POLR3H: variants seen among roughly 807,000 people sequenced by gnomAD.
The protein encoded by POLR3H is RNA polymerase III subunit H.
A neutral mutation model predicts 25.5 loss-of-function variants in POLR3H; 17 were observed. The observed-to-expected ratio is 0.67, with a 90% CI of 0.46 to 1.00. The LOEUF (loss-of-function observed/expected upper bound fraction) is 1.00. Among genes scored for constraint, POLR3H ranks in the 50% least tolerant of loss-of-function variants. The pLI, the probability that POLR3H is intolerant of heterozygous loss-of-function variation, is 0.00. For synonymous variants in POLR3H, 129 were observed against 103.0 expected, an observed-to-expected ratio of 1.25 and a Z score of -1.53; for missense variants, 274 against 265.0, an observed-to-expected ratio of 1.03 and a Z score of -0.24.
Position 41,527,266 on chromosome 22 carries a change from C to G in POLR3H, c.*2017G>C. 6.2e-7 allele frequency: 1 copy of G among 1,614,110 alleles called. No individual in the cohort carries two copies. Among genetic ancestry groups the G allele is most frequent in the Non-Finnish European group, 8.5e-7 (1 of 1,179,986 alleles). The stretch of plus-strand genomic sequence containing the variant: ...ACGGTGCCCTCCTCTGCCTTATAAC[C>G]TTACCCCCGCTTGCCTGACAGAAAC... On this transcript the variant is annotated 3_prime_UTR_variant, in exon 6 of 6. Transcript: ENST00000355209.
At chr22:41,531,035 C>G in intron 4 of POLR3H, 147 bp from the exon 5 acceptor site, 1 of 752,652 alleles carries the variant, frequency 1.3e-6, no homozygotes, top group South Asian at 1.7e-5. Flanking sequence ...CAGCCCCATG[C>G]ACAAGGCCTG....
At position 41,543,994 on chromosome 22, in the gene POLR3H, G is replaced by C. The variant is rs765402015; in HGVS notation, c.108C>G (p.Asn36Lys). 2.3e-5 allele frequency: 37 copies of C among 1,611,608 alleles called. No homozygotes were observed. The East Asian group carries it at 8.0e-4, about 35-fold the overall frequency. Residue 36 changes from asparagine (N) to lysine (K), a missense_variant, in exon 1 of 6, where the codon AAC becomes AAG. Transcript: ENST00000355209. ...CCGCGAGCCGTGGGCCCAGTACCTT[G>C]TTGGCCAACTTCTTGTTCAGCTCCT... ...IAEELNKKLA[N>K]KVVYNVGLCI...
Position 41,526,509 on chromosome 22 carries a change from G to A in POLR3H, c.*2774C>T. Reference sequence around the variant, plus strand: ...TGGTCACTCCTGAAGGGGCCTGCAAGGCAGGTGCAGGGAGGACATTAGGGG... The same window carrying A: ...TGGTCACTCCTGAAGGGGCCTGCAAAGCAGGTGCAGGGAGGACATTAGGGG... On this transcript the variant is annotated 3_prime_UTR_variant, in exon 6 of 6. Coordinates refer to ENST00000355209, the MANE Select transcript of POLR3H (RefSeq NM_001018050.4). 1 of 1,556,042 alleles carries A rather than the reference G, an allele frequency of 6.4e-7. No individual in the cohort carries two copies. The highest frequency in any genetic ancestry group is 8.7e-7 in the Non-Finnish European group (1 of 1,144,938).
In POLR3H at chr22:41,527,100, C is replaced by A; in HGVS notation, c.*2183G>T. 1 of 802,678 alleles carries A rather than the reference C, an allele frequency of 1.2e-6. No homozygotes were observed. The highest frequency in any genetic ancestry group is 1.9e-6 in the Non-Finnish European group (1 of 518,748). 49.7% of individuals were successfully genotyped at this position (802,678 alleles called of 1,614,324 possible). A position where few individuals can be genotyped will look rare whatever the true frequency, so the allele number is the denominator to read the frequency against. ...ACGTGCCTCTGTCCCCTCGGGGCCT[C>A]GTTTGGGTCTCATTCACGCAGGCTT... On this transcript the variant is annotated 3_prime_UTR_variant, in exon 6 of 6. Transcript: ENST00000355209.
chr22:41,528,350 T>C lies in POLR3H; in HGVS notation c.*933A>G. 7.5e-7 allele frequency: 1 copy of C among 1,341,830 alleles called. No homozygotes were observed. Among genetic ancestry groups the C allele is most frequent in the South Asian group, 1.4e-5 (1 of 69,806 alleles). 83.1% of individuals were successfully genotyped at this position (1,341,830 alleles called of 1,614,324 possible). On this transcript the variant is annotated 3_prime_UTR_variant, in exon 6 of 6. Transcript: ENST00000355209. ...CTGACCTGGGCCATCAGGCACAGACTGGCCTAGGATTTGGTTTGCCTGCTG... is the reference window on the plus strand; with the variant it reads ...CTGACCTGGGCCATCAGGCACAGACCGGCCTAGGATTTGGTTTGCCTGCTG...
chr22:41,532,029 TG>T (rs2066745522), intron 4 of POLR3H, 64 bp downstream of exon 4: 1 of 1,447,100 alleles, frequency 6.9e-7, no homozygotes, highest in Non-Finnish European at 9.7e-7. Context: ...CCCTAAGGAG[TG>T]GGGACCTTCC....
rs1343782219 is a variant in POLR3H at position 41,526,191 on chromosome 22, C to A, written c.*3092G>T. On this transcript the variant is annotated 3_prime_UTR_variant, in exon 6 of 6. Transcript: ENST00000355209. ...CTGGGCCCCGGGGCCTGCTGCCTGC[C>A]TCTGGAGGGCTTGTCATCCACCCCT... 1.4e-6 allele frequency: 2 copies of A among 1,436,512 alleles called. No individual in the cohort carries two copies. The highest frequency in any genetic ancestry group is 2.0e-5 in the Admixed American group (1 of 49,754). The allele number at this position is 1,436,512 out of a possible 1,614,324, so 89.0% of individuals were successfully genotyped here.
intron 4 of POLR3H, among the ~76,000 whole-genome samples, chr22:41,531,773 C>A (rs888528588): frequency 6.6e-6 from 1 of 152,228 alleles, no homozygotes; most frequent in African/African-American, 2.4e-5. Context: ...TAAGATGATT[C>A]CTGCAGGGAC....
In POLR3H at chr22:41,532,049, G is replaced by A. The variant is rs569478131; in HGVS notation, c.359+45C>T. The A allele has an allele frequency of 2.5e-6, 4 of 1,577,530 alleles. No individual in the cohort carries two copies. The South Asian group carries it at 4.4e-5, about 17-fold the overall frequency. ...AGGAGTGGGGACCTTCCTTTGGAGA[G>A]GCCTGAGCTCCCTGTGACAAACCAC... On this transcript the variant is annotated intron_variant, in intron 4 of 5. Coordinates refer to ENST00000355209, the MANE Select transcript of POLR3H (RefSeq NM_001018050.4).
Position 41,528,898 on chromosome 22 carries a change from G to A in POLR3H, c.*385C>T. 5.7e-6 allele frequency: 3 copies of A among 522,886 alleles called. No homozygotes were observed. Among genetic ancestry groups the A allele is most frequent in the South Asian group, 5.2e-5 (2 of 38,646 alleles). The allele number at this position is 522,886 out of a possible 1,614,324, so 32.4% of individuals were successfully genotyped here. Reference sequence around the variant, plus strand: ...GACTCCCATCTAAAGTTTTTCTCCTGCCTGATCATTTCATTGGTGGCTGAA... The same window carrying A: ...GACTCCCATCTAAAGTTTTTCTCCTACCTGATCATTTCATTGGTGGCTGAA... On this transcript the variant is annotated 3_prime_UTR_variant, in exon 6 of 6. Transcript: ENST00000355209.
At chr22:41,538,504 C>T (rs963999641) in intron 2 of POLR3H, among the ~76,000 whole-genome samples, 4 of 152,114 alleles carry the variant, frequency 2.6e-5, no homozygotes, top group Non-Finnish European at 4.4e-5. Flanking sequence ...AGGTGATGCA[C>T]CCGCCTTTAC....
intron 2 of POLR3H, chr22:41,539,973 T>G (rs2066904285): frequency 6.2e-6 from 1 of 161,490 alleles, no homozygotes; most frequent in Non-Finnish European, 1.4e-5. Flanking sequence ...ATGTATTAAC[T>G]CCTTAATCCT....
rs1483531414 is a variant in POLR3H, at chr22:41,526,160, C to G, written c.*3123G>C. ...TTGCCTGCCTCTCACCCCTCTGTCA[C>G]CCCTCCTGGGCCCCGGGGCCTGCTG... On this transcript the variant is annotated 3_prime_UTR_variant, in exon 6 of 6. Coordinates refer to ENST00000355209, the MANE Select transcript of POLR3H (RefSeq NM_001018050.4). 8 of 1,056,890 alleles carry G rather than the reference C, an allele frequency of 7.6e-6. No individual in the cohort carries two copies. In the Middle Eastern group the frequency reaches 9.6e-4, roughly 127 times the overall value. The allele number at this position is 1,056,890 out of a possible 1,614,324, so 65.5% of individuals were successfully genotyped here.
At chr22:41,540,881 C>T in intron 1 of POLR3H, 86 bp from the exon 2 acceptor site, 1 of 945,256 alleles carries the variant, frequency 1.1e-6, no homozygotes, top group East Asian at 2.4e-5. Context: ...GAGCCCCTCA[C>T]AACCACAAGC....
At chr22:41,535,940 A>T (rs995791811) in intron 2 of POLR3H, among the ~76,000 whole-genome samples, 9 of 152,038 alleles carry the variant, frequency 5.9e-5, no homozygotes, top group African/African-American at 2.2e-4. Flanking sequence ...ACTGCACTGC[A>T]GCGTGGGCGA....
rs2066623013 is a variant in POLR3H, at chr22:41,527,372, C to T, written c.*1911G>A. 3 of 1,613,910 alleles carry T rather than the reference C, an allele frequency of 1.9e-6. No individual in the cohort carries two copies. Among genetic ancestry groups the T allele is most frequent in the South Asian group, 1.1e-5 (1 of 91,066 alleles). ...GGAGCATGCAGCTCTGGAGCCTCGC[C>T]ACCTTGGGGGCCGGGCCATCATCAC... On this transcript the variant is annotated 3_prime_UTR_variant, in exon 6 of 6. Coordinates refer to ENST00000355209, the MANE Select transcript of POLR3H (RefSeq NM_001018050.4).
rs543059163 is a variant in POLR3H, at chr22:41,537,173, C to T, written c.208+3526G>A. ...GGGTCAGGGTCCCATGCCACAAAGG[C>T]CATCATCTGTGAGCACTCCCCACGT... On this transcript the variant is annotated intron_variant, in intron 2 of 5. Coordinates refer to ENST00000355209, the MANE Select transcript of POLR3H (RefSeq NM_001018050.4). Among the ~76,000 whole-genome samples the T allele has an allele frequency of 2.6e-5, 4 of 152,184 alleles. No individual in the cohort carries two copies. In the South Asian group the frequency reaches 6.2e-4, roughly 24 times the overall value.
intron 2 of POLR3H, among the ~76,000 whole-genome samples, chr22:41,538,945 G>A (rs1569036232): frequency 6.6e-6 from 1 of 152,270 alleles, no homozygotes; most frequent in East Asian, 1.9e-4. Flanking sequence ...GAGCTCGTGT[G>A]ACAACCACCT....
At chr22:41,543,937 G>C in intron 1 of POLR3H, 54 bp downstream of exon 1, 1 of 1,344,612 alleles carries the variant, frequency 7.4e-7, no homozygotes, top group Non-Finnish European at 1.1e-6. Context: ...GCGGCCAGTG[G>C]GCGGCGCTCG....
Sources: allele counts gnomAD v4.1 joint callset (sites outside exome capture counted in the v4.1 genomes callset), GRCh38; gene constraint gnomAD v4.1.1; transcripts MANE v1.5; gene names NCBI Gene and HGNC (gene_info 2026-07-23, HGNC 2026-07-21).